CA11: variants seen among roughly 807,000 people sequenced by gnomAD.
The protein encoded by CA11 is carbonic anhydrase 11 (inactive).
CA11 carries 20 observed loss-of-function variants against 39.3 expected under a neutral mutation model. That is an observed-to-expected ratio of 0.51 (90% CI 0.36 to 0.74). The LOEUF is 0.74. Ranked by LOEUF, CA11 falls within the 30% of genes least tolerant of loss-of-function variation. The probability of loss-of-function intolerance (pLI) is 0.00; values close to 1 mark genes in which losing one functional copy is unlikely to be tolerated. For synonymous variants in CA11, 166 were observed against 172.5 expected, an observed-to-expected ratio of 0.96 and a Z score of 0.29; for missense variants, 336 against 424.6, an observed-to-expected ratio of 0.79 and a Z score of 1.83.
rs1317317145 is a variant in CA11, at chr19:48,643,628, T to G, written c.285+799A>C. On this transcript the variant is annotated intron_variant, in intron 3 of 8. Coordinates refer to ENST00000084798, the MANE Select transcript of CA11 (RefSeq NM_001217.5). The surrounding 1 kb of genome is among the most constrained non-coding windows in gnomAD (Gnocchi z 4.3). ...CTGGGTCACAGAGTGAGATCCCAAT[T>G]CCAAAAAAAAAAAAAAAAAGTATGG... Among the ~76,000 whole-genome samples, 1 of 138,328 alleles carries G rather than the reference T, an allele frequency of 7.2e-6. No individual in the cohort carries two copies. The highest frequency in any genetic ancestry group is 1.6e-5 in the Non-Finnish European group (1 of 63,776). 90.7% of individuals were successfully genotyped at this position (138,328 alleles called of 152,430 possible). A position where few individuals can be genotyped will look rare whatever the true frequency, so the allele number is the denominator to read the frequency against.
intron 7 of CA11, 119 bp downstream of exon 7, chr19:48,639,186 A>ACCGT: frequency 6.6e-7 from 1 of 1,517,082 alleles, no homozygotes; most frequent in Middle Eastern, 2.0e-4. Context: ...AGGTGGTCTG[A>ACCGT]CCCTCTTACC....
In CA11 at chr19:48,639,848, C is replaced by G; in HGVS notation, c.507G>C (p.Gly169=). ...GGCCGCGGGAGGCAGCGCTGAAATT[C>G]CCGTAGAGTTCCTGGTTGAAGTGAA... ...QLIHFNQELY[G]NFSAASRGPN... is the part of the protein sequence containing the mutation. Residue 169 remains glycine (G), a synonymous_variant, in exon 5 of 9, where the codon GGG becomes GGC. Coordinates refer to ENST00000084798, the MANE Select transcript of CA11 (RefSeq NM_001217.5). The G allele has an allele frequency of 6.2e-7, 1 of 1,614,156 alleles. No homozygotes were observed.
At position 48,645,742 on chromosome 19, in the gene CA11, C is replaced by T; in HGVS notation, c.-110G>A. The T allele has an allele frequency of 2.2e-6, 2 of 891,326 alleles. No homozygotes were observed. The highest frequency in any genetic ancestry group is 1.6e-6 in the Non-Finnish European group (1 of 620,906). The allele number at this position is 891,326 out of a possible 1,614,324, so 55.2% of individuals were successfully genotyped here. A position where few individuals can be genotyped will look rare whatever the true frequency, so the allele number is the denominator to read the frequency against. On this transcript the variant is annotated 5_prime_UTR_variant, in exon 1 of 9. Transcript: ENST00000084798. ...CCTCCAGGACTTCCAGCTTTCCTCT[C>T]CTCCCCACAGGGAGTCCCAGTTCCC...
chr19:48,645,537 G>A, intron 1 of CA11, 29 bp downstream of exon 1: 1 of 1,597,526 alleles, frequency 6.3e-7, no homozygotes, highest in Non-Finnish European at 8.5e-7. Context: ...CCTCCCTCGG[G>A]GGCTCCTCCC....
chr19:48,638,381 G>GGGA (rs1555745089), intron 8 of CA11: 3 of 348,388 alleles, frequency 8.6e-6, no homozygotes, highest in Non-Finnish European at 1.2e-5. Flanking sequence ...TCATGGGGGG[G>GGGA]GGGGGGTGTG....
chr19:48,644,684 G>T, intron 2 of CA11, 115 bp from the exon 3 acceptor site: 1 of 834,530 alleles, frequency 1.2e-6, no homozygotes, highest in Non-Finnish European at 1.7e-6. Flanking sequence ...GGGAGGAGGG[G>T]CTAGGGACCT....
Position 48,638,933 on chromosome 19 carries a change from G to A in CA11, c.916C>T (p.Arg306Trp). 2.5e-6 allele frequency: 4 copies of A among 1,608,122 alleles called. No homozygotes were observed. The highest frequency in any genetic ancestry group is 2.5e-6 in the Non-Finnish European group (3 of 1,177,898). Reference protein sequence around the residue: ...HRALRGNRDPRHPERRCRGPN... With the variant: ...HRALRGNRDPWHPERRCRGPN... ...CCTCGGCAGCGCCTCTCGGGGTGCC[G>A]GGGGTCCCTGTTGCCCCTCAGTGCC... Residue 306 changes from arginine to tryptophan, a missense_variant, in exon 8 of 9, where the codon CGG becomes TGG. Coordinates refer to ENST00000084798, the MANE Select transcript of CA11 (RefSeq NM_001217.5).
At chr19:48,638,401 A>G in intron 8 of CA11, 2 of 852,368 alleles carry the variant, frequency 2.3e-6, no homozygotes, top group Non-Finnish European at 2.8e-6. Context: ...GGACTGTACC[A>G]TGTTGCGAAG....
chr19:48,638,380 GGGGGGGGT>G, intron 8 of CA11: 1 of 355,898 alleles, frequency 2.8e-6, no homozygotes, highest in Non-Finnish European at 3.8e-6. Flanking sequence ...TTCATGGGGG[GGGGGGGGT>G]GTGGACTGTA....
chr19:48,642,494 G>A lies in CA11; in HGVS notation c.285+1933C>T, dbSNP rs560415205. Among the ~76,000 whole-genome samples the A allele has an allele frequency of 5.9e-5, 9 of 152,038 alleles. No homozygotes were observed. In the South Asian group the frequency reaches 1.2e-3, roughly 21 times the overall value. The stretch of plus-strand genomic sequence containing the variant: ...AGCCTGGGCGACAGAGCGAGACTCC[G>A]ACTCAAAAAATAAAATAAAATAAAA... On this transcript the variant is annotated intron_variant, in intron 3 of 8. Transcript: ENST00000084798.
intron 4 of CA11, 74 bp downstream of exon 4, chr19:48,640,021 C>CT: frequency 6.5e-7 from 1 of 1,540,348 alleles, no homozygotes; most frequent in Non-Finnish European, 8.9e-7. Flanking sequence ...GGGTGAGACA[C>CT]TAAGAGGGTG....
At chr19:48,645,524 C>G (rs10426317) in intron 1 of CA11, 42 bp downstream of exon 1, 3 of 1,594,088 alleles carry the variant, frequency 1.9e-6, no homozygotes, top group Non-Finnish European at 2.6e-6. Context: ...TCCCCACCTC[C>G]ACCCTCCCTC....
chr19:48,645,569 C>T lies in CA11; in HGVS notation c.64G>A (p.Ala22Thr). The T allele has an allele frequency of 1.2e-6, 2 of 1,604,438 alleles. No individual in the cohort carries two copies. Among genetic ancestry groups the T allele is most frequent in the Non-Finnish European group, 8.5e-7 (1 of 1,175,646 alleles). Residue 22 changes from alanine to threonine, a missense_variant, in exon 1 of 9, where the codon GCA (alanine) becomes ACA (threonine). Coordinates refer to ENST00000084798, the MANE Select transcript of CA11 (RefSeq NM_001217.5). ...ALVLWAALGA[A>T]AHIGPAPDPE... ...TCCCGGGAACCCCAGGTCTTACCTG[C>T]TGCCCCCAGTGCAGCCCAGAGTACC...
intron 3 of CA11, among the ~76,000 whole-genome samples, chr19:48,641,230 T>C (rs1343750743): frequency 2.6e-5 from 4 of 152,142 alleles, no homozygotes; most frequent in Admixed American, 1.3e-4. Context: ...TCTGCCCACC[T>C]TGGCCTCCCA....
chr19:48,644,613 A>T, intron 2 of CA11, 44 bp from the exon 3 acceptor site: 1 of 1,465,446 alleles, frequency 6.8e-7, no homozygotes. Flanking sequence ...TCAGAAATAG[A>T]GACTGGATCC....
Position 48,645,986 on chromosome 19 carries a change from G to C in CA11, c.-354C>G, listed in dbSNP as rs1053319007. The C allele has an allele frequency of 7.2e-6, 3 of 416,014 alleles. No homozygotes were observed. Among genetic ancestry groups the C allele is most frequent in the Admixed American group, 4.3e-5 (1 of 23,338 alleles). 25.8% of individuals were successfully genotyped at this position (416,014 alleles called of 1,614,324 possible). A position where few individuals can be genotyped will look rare whatever the true frequency, so the allele number is the denominator to read the frequency against. ...CTCCTCTCCGTTCTCTTTTCATTAA[G>C]CTCTCCCAAGCCACCTAACTCCAGG... On this transcript the variant is annotated 5_prime_UTR_variant, in exon 1 of 9. Transcript: ENST00000084798.
intron 2 of CA11, 131 bp from the exon 3 acceptor site, chr19:48,644,700 C>T: frequency 1.6e-6 from 1 of 644,536 alleles, no homozygotes; most frequent in Admixed American, 3.4e-5. Context: ...GACCTAGACT[C>T]CTGGGTCTGA....
Position 48,639,365 on chromosome 19 carries a change from G to A in CA11, c.735C>T (p.Pro245=). The change falls in exon 7 of 9, where the codon CCC becomes CCT. Residue 245 remains proline, a synonymous_variant. Transcript: ENST00000084798. ...ITYQGSLSTP[P]CSETVTWILI... ...GGATCCAGGTGACAGTCTCGGAGCAGGGCGGGGTGCTGAGAGAGCCCTGAT... is the reference window on the plus strand; with the variant it reads ...GGATCCAGGTGACAGTCTCGGAGCAAGGCGGGGTGCTGAGAGAGCCCTGAT... The A allele has an allele frequency of 1.9e-6, 3 of 1,613,812 alleles. No homozygotes were observed. Among genetic ancestry groups the A allele is most frequent in the South Asian group, 1.1e-5 (1 of 91,084 alleles).
At position 48,640,264 on chromosome 19, in the gene CA11, T is replaced by A; in HGVS notation, c.302A>T (p.Tyr101Phe). The A allele has an allele frequency of 1.9e-6, 3 of 1,613,166 alleles. No homozygotes were observed. Among genetic ancestry groups the A allele is most frequent in the Non-Finnish European group, 2.5e-6 (3 of 1,179,894 alleles). Residue 101 changes from tyrosine to phenylalanine, a missense_variant, in exon 4 of 9, where the codon TAC becomes TTC. Physicochemically the swap from Tyr to Phe is conservative, Grantham distance 22. Coordinates refer to ENST00000084798, the MANE Select transcript of CA11 (RefSeq NM_001217.5). ...GAAGGAGACATGTCGGCCGGTGTTG[T>A]ACAAGGTTCCCCGGAGCTGTGGGAG... ...TGGEKLRGTL[Y>F]NTGRHVSFLP...
Sources: gnomAD v4.1 joint callset for allele counts (sites outside exome capture counted in the v4.1 genomes callset) on GRCh38, gnomAD v4.1.1 for gene constraint, Gnocchi (gnomAD v3.1) non-coding constraint, MANE v1.5 for transcripts, NCBI Gene and HGNC (gene_info 2026-07-23, HGNC 2026-07-21) for gene names.